Variants in ZC3H12B observed in about 807,000 individuals in gnomAD.
The protein encoded by ZC3H12B is zinc finger CCCH-type containing 12B.
A neutral mutation model predicts 43.9 loss-of-function variants in ZC3H12B; 7 were observed. The observed-to-expected ratio is 0.16, with a 90% CI of 0.09 to 0.30. The LOEUF (loss-of-function observed/expected upper bound fraction) is 0.30, where lower values mean the gene tolerates loss of function less well. Among genes scored for constraint, ZC3H12B ranks in the 10% least tolerant of loss-of-function variants. The pLI is 1.00. For missense variants in ZC3H12B, 475 were observed against 670.2 expected (o/e 0.71, Z 3.22); for synonymous variants, 222 against 241.7 (o/e 0.92, Z 0.76).
At chrX:65,130,048 T>A in the ZC3H12B span, among the ~76,000 whole-genome samples, 1 of 111,419 alleles carries the variant, frequency 9.0e-6, no homozygotes, top group Non-Finnish European at 1.9e-5. Flanking sequence ...ACCCAGGACA[T>A]TTAATTAGAG....
chrX:65,311,054 T>C, the ZC3H12B span, among the ~76,000 whole-genome samples: 9,151 of 111,273 alleles, frequency 0.082, 1,010 homozygotes, highest in African/African-American at 0.29. Flanking sequence ...TAGAAGAAAA[T>C]CTAGGCAATA....
At chrX:65,072,891 C>T in the ZC3H12B span, among the ~76,000 whole-genome samples, 1 of 112,509 alleles carries the variant, frequency 8.9e-6, no homozygotes, top group Admixed American at 9.3e-5. Context: ...TACTGTGCAC[C>T]TGGTCATGCC....
intron 3 of ZC3H12B, chrX:65,408,550 G>C: frequency 8.4e-7 from 1 of 1,196,617 alleles, no homozygotes; most frequent in Non-Finnish European, 1.1e-6. Flanking sequence ...CTGGAATCCC[G>C]CCCCTCGGGG....
the ZC3H12B span, among the ~76,000 whole-genome samples, chrX:65,359,016 T>C: frequency 9.0e-6 from 1 of 111,695 alleles, no homozygotes; most frequent in African/African-American, 3.3e-5. Context: ...TTGAAAATTT[T>C]AGTGCCCTTA....
the ZC3H12B span, among the ~76,000 whole-genome samples, chrX:65,136,540 G>A: frequency 9.0e-6 from 1 of 111,011 alleles, no homozygotes; most frequent in Non-Finnish European, 1.9e-5. Flanking sequence ...AGTTTTTTCT[G>A]TGGTGTTTTG....
At chrX:65,312,748 A>G in the ZC3H12B span, among the ~76,000 whole-genome samples, 2 of 111,613 alleles carry the variant, frequency 1.8e-5, no homozygotes, top group African/African-American at 6.5e-5. Context: ...CTGTGTCCTC[A>G]CCTGGTGGAA....
chrX:65,290,514 C>A, the ZC3H12B span, among the ~76,000 whole-genome samples: 14 of 110,621 alleles, frequency 1.3e-4, no homozygotes, highest in African/African-American at 4.6e-4. Flanking sequence ...GGGTATCTAC[C>A]CAAAGGAAAA....
chrX:65,219,593 G>T, the ZC3H12B span, among the ~76,000 whole-genome samples: 132 of 111,342 alleles, frequency 1.2e-3, 2 homozygotes, highest in African/African-American at 4.1e-3. Flanking sequence ...AATTAACCCA[G>T]TCCAACAAAG....
At chrX:65,422,153 C>T (rs899422151) in intron 3 of ZC3H12B, among the ~76,000 whole-genome samples, 3 of 111,099 alleles carry the variant, frequency 2.7e-5, no homozygotes, top group Non-Finnish European at 3.8e-5. Context: ...TCAGAATCAG[C>T]ATTCAATATA....
At chrX:65,322,031 G>A in the ZC3H12B span, among the ~76,000 whole-genome samples, 1 of 111,185 alleles carries the variant, frequency 9.0e-6, no homozygotes, top group African/African-American at 3.3e-5. Context: ...ACATGTACCC[G>A]TAAACCTAAA....
chrX:65,055,163 CAGTTTTCAA>C, the ZC3H12B span, among the ~76,000 whole-genome samples: 1 of 111,182 alleles, frequency 9.0e-6, no homozygotes, highest in African/African-American at 3.3e-5. Flanking sequence ...TGTCTTGTGC[CAGTTTTCAA>C]AGGGAATGCT....
the ZC3H12B span, chrX:65,185,070 T>A: frequency 2.7e-5 from 3 of 111,745 alleles, no homozygotes; most frequent in South Asian, 3.7e-4. Flanking sequence ...GTACTAAGAT[T>A]TTTTTTCTAG....
chrX:65,195,448 A>AG, the ZC3H12B span, among the ~76,000 whole-genome samples: 1 of 112,282 alleles, frequency 8.9e-6, no homozygotes, highest in African/African-American at 3.2e-5. Flanking sequence ...GAGAACACTA[A>AG]TAAAAACTCT....
At chrX:65,135,073 G>A in the ZC3H12B span, among the ~76,000 whole-genome samples, 3 of 111,309 alleles carry the variant, frequency 2.7e-5, no homozygotes, top group Non-Finnish European at 5.6e-5. Flanking sequence ...TGATGGCTTA[G>A]CTTGGGCTCA....
chrX:65,387,970 C>T (rs2148024120), intron 2 of ZC3H12B, among the ~76,000 whole-genome samples: 1 of 112,000 alleles, frequency 8.9e-6, no homozygotes, highest in South Asian at 3.7e-4. Flanking sequence ...ATATTGGCCC[C>T]CACTCTCTTC....
the ZC3H12B span, among the ~76,000 whole-genome samples, chrX:65,118,545 A>G: frequency 9.0e-6 from 1 of 110,917 alleles, no homozygotes; most frequent in Admixed American, 9.6e-5. Flanking sequence ...CTAATTGAAT[A>G]CCCTTTATTT....
At chrX:65,126,679 AT>A in the ZC3H12B span, among the ~76,000 whole-genome samples, 88 of 93,393 alleles carry the variant, frequency 9.4e-4, no homozygotes, top group East Asian at 9.0e-3. Context: ...GTTTTGTTCA[AT>A]TTTTTTTTTT....
chrX:65,195,161 A>T, the ZC3H12B span, among the ~76,000 whole-genome samples: 1 of 107,955 alleles, frequency 9.3e-6, no homozygotes, highest in African/African-American at 3.4e-5. Flanking sequence ...GTTCCATTTG[A>T]TGTTATTATT....
chrX:65,299,467 T>C, the ZC3H12B span, among the ~76,000 whole-genome samples: 2 of 112,018 alleles, frequency 1.8e-5, no homozygotes, highest in Non-Finnish European at 3.8e-5. Flanking sequence ...CATGCAAGGC[T>C]GATTTAACAT....
Sources: gnomAD v4.1 joint callset for allele counts (sites outside exome capture counted in the v4.1 genomes callset) on GRCh38, gnomAD v4.1.1 for gene constraint, MANE v1.5 for transcripts, NCBI Gene and HGNC (gene_info 2026-07-23, HGNC 2026-07-21) for gene names.